Variants in PIK3C2G observed in about 807,000 individuals in gnomAD.
PIK3C2G encodes phosphatidylinositol-4-phosphate 3-kinase catalytic subunit type 2 gamma.
PIK3C2G carries 168 observed loss-of-function variants against 181.1 expected under a neutral mutation model. The ratio of observed to expected loss-of-function variants is 0.93; its 90% confidence interval spans 0.82 to 1.05. The LOEUF (loss-of-function observed/expected upper bound fraction) is 1.05, where lower values mean the gene tolerates loss of function less well. Among genes scored for constraint, PIK3C2G ranks in the 50% least tolerant of loss-of-function variants. The probability of loss-of-function intolerance (pLI) is 0.00; values close to 1 mark genes in which losing one functional copy is unlikely to be tolerated. For missense variants in PIK3C2G, 1,869 were observed against 1,732.8 expected (o/e 1.08, Z -1.40); for synonymous variants, 573 against 592.2 (o/e 0.97, Z 0.47).
At chr12:18,491,428 C>G in intron 19 of PIK3C2G, 23 bp from the exon 20 acceptor site, 1 of 1,221,466 alleles carries the variant, frequency 8.2e-7, no homozygotes, top group Non-Finnish European at 1.2e-6. Context: ...TTCTTAAATC[C>G]TTTTTCTAAT....
chr12:18,380,024 A>G (rs1162779850), intron 13 of PIK3C2G, among the ~76,000 whole-genome samples: 1 of 152,140 alleles, frequency 6.6e-6, no homozygotes, highest in Non-Finnish European at 1.5e-5. Flanking sequence ...TGGCCATGCC[A>G]CAAGCAGTGC....
chr12:18,700,418 C>T, the PIK3C2G span, among the ~76,000 whole-genome samples: 1 of 146,762 alleles, frequency 6.8e-6, no homozygotes, highest in Non-Finnish European at 1.5e-5. Flanking sequence ...AAGTATGAGT[C>T]AGGCAGATTG....
chr12:18,691,079 C>T, the PIK3C2G span, among the ~76,000 whole-genome samples: 15 of 152,170 alleles, frequency 9.9e-5, no homozygotes, highest in South Asian at 2.9e-3. Flanking sequence ...TAGTAAATTC[C>T]TGATACAGGA....
At chr12:18,688,634 G>A in the PIK3C2G span, among the ~76,000 whole-genome samples, 3 of 151,762 alleles carry the variant, frequency 2.0e-5, no homozygotes, top group African/African-American at 7.3e-5. Flanking sequence ...TTAACTCCCT[G>A]TGATAGCATT....
intron 24 of PIK3C2G, among the ~76,000 whole-genome samples, chr12:18,520,734 C>T (rs938790036): frequency 6.6e-6 from 1 of 152,166 alleles, no homozygotes; most frequent in Non-Finnish European, 1.5e-5. Context: ...TCCATCTCAT[C>T]CTCTGTCCAG....
At chr12:18,435,047 G>A (rs1238652915) in intron 18 of PIK3C2G, among the ~76,000 whole-genome samples, 1 of 150,148 alleles carries the variant, frequency 6.7e-6, no homozygotes, top group Non-Finnish European at 1.5e-5. Flanking sequence ...CATGGTATAC[G>A]ACTGGCATCT....
At chr12:18,380,536 T>A (rs1942769288) in intron 13 of PIK3C2G, among the ~76,000 whole-genome samples, 1 of 152,206 alleles carries the variant, frequency 6.6e-6, no homozygotes, top group African/African-American at 2.4e-5. Flanking sequence ...AATTTTCTAA[T>A]CTTTACCTCT....
chr12:18,398,714 G>A (rs1193446217), intron 15 of PIK3C2G, among the ~76,000 whole-genome samples: 2 of 152,030 alleles, frequency 1.3e-5, no homozygotes, highest in Non-Finnish European at 2.9e-5. Flanking sequence ...TACTCTCCAG[G>A]GGCAAATACT....
At chr12:18,378,770 T>C (rs1428779309) in intron 13 of PIK3C2G, among the ~76,000 whole-genome samples, 2 of 152,184 alleles carry the variant, frequency 1.3e-5, no homozygotes. Context: ...AAAATGCTCA[T>C]CATTGCTGGC....
In PIK3C2G at chr12:18,477,955, G is replaced by T. The variant is rs151222605; in HGVS notation, c.2505-10494G>T. Among the ~76,000 whole-genome samples, 1,334 of 152,190 alleles carry T rather than the reference G, an allele frequency of 8.8e-3. 12 individuals carry two copies. The highest frequency in any genetic ancestry group is 0.013 in the Non-Finnish European group (911 of 68,012). On this transcript the variant is annotated intron_variant, in intron 18 of 32. Transcript: ENST00000538779. ...ACCAGAGGGCTGTGCAAGAACAAAA[G>T]GCTGAGGGGTAAAGGGGAATTTTAT... is the stretch of plus-strand genomic sequence containing the variant.
chr12:18,328,924 A>C (rs1030249801), intron 8 of PIK3C2G, among the ~76,000 whole-genome samples: 1 of 151,912 alleles, frequency 6.6e-6, no homozygotes, highest in African/African-American at 2.4e-5. Flanking sequence ...AGAAAATTGG[A>C]TAAAATTAAG....
chr12:18,633,260 CAAAT>C (rs1343192430), intron 31 of PIK3C2G, among the ~76,000 whole-genome samples: 1 of 151,918 alleles, frequency 6.6e-6, no homozygotes, highest in Non-Finnish European at 1.5e-5. Flanking sequence ...AATAACGTAA[CAAAT>C]ATATACATAA....
At chr12:18,399,591 A>G (rs1205232176) in intron 15 of PIK3C2G, 68 bp from the exon 16 acceptor site, 3 of 930,360 alleles carry the variant, frequency 3.2e-6, no homozygotes, top group East Asian at 5.0e-5. Flanking sequence ...TTTCTACTGC[A>G]TATTTATAGC....
intron 31 of PIK3C2G, among the ~76,000 whole-genome samples, chr12:18,626,242 C>G (rs145223123): frequency 1.3e-5 from 2 of 151,734 alleles, no homozygotes; most frequent in African/African-American, 4.8e-5. Context: ...TAATATCTTT[C>G]GCTTACAACA....
chr12:18,578,062 G>T (rs1215939962), intron 29 of PIK3C2G, among the ~76,000 whole-genome samples: 1 of 152,180 alleles, frequency 6.6e-6, no homozygotes, highest in Non-Finnish European at 1.5e-5. Flanking sequence ...GGATTGTTCA[G>T]AGCCCCATCC....
At chr12:18,421,157 A>C (rs1332784784) in intron 17 of PIK3C2G, 123 bp downstream of exon 17, 7 of 490,940 alleles carry the variant, frequency 1.4e-5, no homozygotes, top group African/African-American at 2.0e-5. Flanking sequence ...CAAGGGACTA[A>C]ATGATGTCAA....
intron 4 of PIK3C2G, among the ~76,000 whole-genome samples, chr12:18,293,070 T>A (rs1192753497): frequency 1.3e-5 from 2 of 152,184 alleles, no homozygotes; most frequent in African/African-American, 4.8e-5. Flanking sequence ...AAGCACTTAA[T>A]AGAGTAATTG....
At chr12:18,682,060 T>C in the PIK3C2G span, among the ~76,000 whole-genome samples, 2 of 152,042 alleles carry the variant, frequency 1.3e-5, no homozygotes, top group Admixed American at 6.6e-5. Flanking sequence ...TTTCTAAGAA[T>C]TGGCTGTGCA....
upstream of PIK3C2G, among the ~76,000 whole-genome samples, chr12:18,261,305 A>G (rs1241373941): frequency 6.6e-6 from 1 of 152,182 alleles, no homozygotes; most frequent in African/African-American, 2.4e-5. Flanking sequence ...AATTCTGTTT[A>G]GCACAGAGAA....
Sources: allele counts gnomAD v4.1 joint callset (sites outside exome capture counted in the v4.1 genomes callset), GRCh38; gene constraint gnomAD v4.1.1; transcripts MANE v1.5; gene names NCBI Gene and HGNC (gene_info 2026-07-23, HGNC 2026-07-21).